DLG2: variants seen among roughly 807,000 people sequenced by gnomAD.
DLG2 encodes disks large homolog 2.
A neutral mutation model predicts 132.5 loss-of-function variants in DLG2; 45 were observed. That is an observed-to-expected ratio of 0.34 (90% CI 0.27 to 0.44). DLG2 has a LOEUF of 0.44. DLG2 is among the 20% of genes least tolerant of loss of function. The pLI, the probability that DLG2 is intolerant of heterozygous loss-of-function variation, is 1.00. For synonymous variants in DLG2, 424 were observed against 419.6 expected (o/e 1.01, Z -0.13); for missense variants, 1,045 against 1,196.9 (o/e 0.87, Z 1.87).
chr11:84,252,414 G>C lies in DLG2; in HGVS notation c.520-1123C>G, dbSNP rs564604072. ...TCGCCCGCCTCAGCCTCCCAATACA[G>C]GCGTGAACAAGCATGCCCTGCCATA... is the stretch of plus-strand genomic sequence containing the variant. On this transcript the variant is annotated intron_variant, in intron 7 of 27. Transcript: ENST00000376104. 4.6e-5 allele frequency among the ~76,000 whole-genome samples: 7 copies of C among 151,826 alleles called. No individual in the cohort carries two copies. The South Asian group carries it at 1.5e-3, about 32-fold the overall frequency.
chr11:83,871,849 C>T (rs944426742), intron 16 of DLG2, among the ~76,000 whole-genome samples: 5 of 152,128 alleles, frequency 3.3e-5, no homozygotes, highest in African/African-American at 1.2e-4. Context: ...CAAAATAAGT[C>T]TTCAAACTAA....
intron 8 of DLG2, among the ~76,000 whole-genome samples, chr11:84,195,651 G>T (rs1175224759): frequency 6.6e-6 from 1 of 152,096 alleles, no homozygotes; most frequent in Non-Finnish European, 1.5e-5. Context: ...CTAGAAAATT[G>T]GGATAAAAAT....
chr11:84,902,865 T>A (rs2091059261), intron 6 of DLG2, among the ~76,000 whole-genome samples: 1 of 152,180 alleles, frequency 6.6e-6, no homozygotes, highest in Non-Finnish European at 1.5e-5. Flanking sequence ...TCTCAGCTTC[T>A]CCCTCTCTGC....
chr11:84,707,353 T>A (rs927039512), intron 6 of DLG2, among the ~76,000 whole-genome samples: 1 of 151,848 alleles, frequency 6.6e-6, no homozygotes, highest in Non-Finnish European at 1.5e-5. Flanking sequence ...GTAGGAGAAG[T>A]AGCAGGGTTT....
chr11:84,657,510 A>AT (rs1202069549), intron 6 of DLG2, among the ~76,000 whole-genome samples: 1 of 152,036 alleles, frequency 6.6e-6, no homozygotes, highest in African/African-American at 2.4e-5. Context: ...TGGAAGACAT[A>AT]TTTTTTTCAC....
chr11:85,343,699 T>C (rs564178930), intron 3 of DLG2, among the ~76,000 whole-genome samples: 43 of 152,012 alleles, frequency 2.8e-4, no homozygotes, highest in Non-Finnish European at 5.1e-4. Flanking sequence ...CTAGAACATA[T>C]CATTTGAAAG....
intron 6 of DLG2, among the ~76,000 whole-genome samples, chr11:84,641,284 G>A (rs1235096639): frequency 6.6e-6 from 1 of 152,252 alleles, no homozygotes; most frequent in Admixed American, 6.5e-5. Flanking sequence ...TCTTTTAAAA[G>A]GGTTATGTTG....
In DLG2 at chr11:84,517,386, T is replaced by C. The variant is rs191757286; in HGVS notation, c.519+17184A>G. 1.3e-3 allele frequency among the ~76,000 whole-genome samples: 204 copies of C among 151,942 alleles called. No homozygotes were observed. In the Middle Eastern group the frequency reaches 0.027, roughly 20 times the overall value. ...AAGACATACAAATGGCCAAGAAGAA[T>C]ATGAAAATATTTTCAATATCACTAA... On this transcript the variant is annotated intron_variant, in intron 7 of 27. Coordinates refer to ENST00000376104, the MANE Select transcript of DLG2 (RefSeq NM_001142699.3).
chr11:85,410,853 A>T (rs1409242012), intron 3 of DLG2, among the ~76,000 whole-genome samples: 1 of 151,758 alleles, frequency 6.6e-6, no homozygotes, highest in Non-Finnish European at 1.5e-5. Context: ...TGATTATAAA[A>T]ACTAAAACAG....
At chr11:85,455,495 C>T (rs1311191678) in intron 3 of DLG2, among the ~76,000 whole-genome samples, 1 of 152,148 alleles carries the variant, frequency 6.6e-6, no homozygotes, top group African/African-American at 2.4e-5. Flanking sequence ...TTCCTCTTCT[C>T]CTATTTGGAT....
intron 6 of DLG2, among the ~76,000 whole-genome samples, chr11:84,964,288 C>A (rs552274855): frequency 1.3e-5 from 2 of 152,158 alleles, no homozygotes; most frequent in East Asian, 3.9e-4. Context: ...GGTCAATTTC[C>A]AGATAATATC....
At chr11:84,517,672 C>T (rs903673296) in intron 7 of DLG2, among the ~76,000 whole-genome samples, 4 of 151,914 alleles carry the variant, frequency 2.6e-5, no homozygotes, top group African/African-American at 9.7e-5. Context: ...TAAATAAAGT[C>T]AGTATGTTGA....
At chr11:83,976,122 T>G (rs957592082) in intron 12 of DLG2, among the ~76,000 whole-genome samples, 1 of 151,934 alleles carries the variant, frequency 6.6e-6, no homozygotes, top group Non-Finnish European at 1.5e-5. Context: ...ACATTATAGC[T>G]ATTTTACTTG....
chr11:84,878,429 C>T (rs140913366), intron 6 of DLG2, among the ~76,000 whole-genome samples: 1 of 152,176 alleles, frequency 6.6e-6, no homozygotes, highest in East Asian at 1.9e-4. Flanking sequence ...AGCTGGAAAC[C>T]ATCATTCTCA....
intron 5 of DLG2, among the ~76,000 whole-genome samples, chr11:85,115,038 T>C (rs1397165175): frequency 1.3e-5 from 2 of 151,934 alleles, no homozygotes; most frequent in Non-Finnish European, 2.9e-5. Flanking sequence ...AAAGGTTCTG[T>C]TGTTCTACTG....
intron 7 of DLG2, among the ~76,000 whole-genome samples, chr11:84,350,745 G>A (rs181815801): frequency 2.4e-4 from 37 of 152,208 alleles, no homozygotes; most frequent in African/African-American, 8.4e-4. Context: ...TTGCACTGCA[G>A]GTATAATCTA....
chr11:84,119,874 A>G (rs1374125648), intron 9 of DLG2, among the ~76,000 whole-genome samples: 4 of 152,244 alleles, frequency 2.6e-5, no homozygotes, highest in Non-Finnish European at 2.9e-5. Flanking sequence ...TACAAATGCA[A>G]TGAAATGAAA....
intron 3 of DLG2, among the ~76,000 whole-genome samples, chr11:85,479,857 T>C (rs2093244632): frequency 6.6e-6 from 1 of 152,208 alleles, no homozygotes; most frequent in Non-Finnish European, 1.5e-5. Context: ...TCTCCCAATG[T>C]CTTCACATTG....
intron 3 of DLG2, among the ~76,000 whole-genome samples, chr11:85,386,676 TTAAA>T (rs2086355535): frequency 6.6e-6 from 1 of 152,044 alleles, no homozygotes; most frequent in Non-Finnish European, 1.5e-5. Flanking sequence ...TTTCTCTTCA[TTAAA>T]TAACTATGGT....
Sources: gnomAD v4.1 joint callset for allele counts (sites outside exome capture counted in the v4.1 genomes callset) on GRCh38, gnomAD v4.1.1 for gene constraint, MANE v1.5 for transcripts, NCBI Gene and HGNC (gene_info 2026-07-23, HGNC 2026-07-21) for gene names.